CPNE4: variants seen among roughly 807,000 people sequenced by gnomAD.
CPNE4 encodes copine 4.
CPNE4 carries 25 observed loss-of-function variants against 67.9 expected under a neutral mutation model. The ratio of observed to expected loss-of-function variants is 0.37; its 90% CI spans 0.27 to 0.51. The LOEUF is 0.51. Ranked by LOEUF, CPNE4 falls within the 20% of genes least tolerant of loss-of-function variation. The pLI is 0.93. For synonymous variants in CPNE4, 242 were observed against 244.9 expected (o/e 0.99, Z 0.11); for missense variants, 464 against 690.8 (o/e 0.67, Z 3.68).
chr3:131,550,477 G>T (rs16837033), intron 13 of CPNE4, among the ~76,000 whole-genome samples: 25,822 of 151,944 alleles, frequency 0.17, 2,458 homozygotes, highest in African/African-American at 0.26. Flanking sequence ...TTTAAACTTG[G>T]GTCTGCCTGG....
intron 1 of CPNE4, among the ~76,000 whole-genome samples, chr3:131,968,740 CTTT>C (rs1182162727): frequency 6.6e-6 from 1 of 152,118 alleles, no homozygotes; most frequent in Non-Finnish European, 1.5e-5. Flanking sequence ...AATAGGAACA[CTTT>C]TTTACACTGT....
At chr3:131,564,130 TTTCCA>T in intron 11 of CPNE4, 81 bp downstream of exon 11, 1 of 1,535,104 alleles carries the variant, frequency 6.5e-7, no homozygotes, top group Non-Finnish European at 9.0e-7. Flanking sequence ...CTAGACTTAA[TTTCCA>T]CTTTCTGCCC....
chr3:131,606,027 G>T (rs975505415), intron 7 of CPNE4, among the ~76,000 whole-genome samples: 1 of 152,156 alleles, frequency 6.6e-6, no homozygotes, highest in Admixed American at 6.5e-5. Flanking sequence ...AATGAGCCAT[G>T]CTACTCATGG....
rs996201742 is a variant in CPNE4 at position 131,989,747 on chromosome 3, A to T, written c.-2+44820T>A. Among the ~76,000 whole-genome samples, 18 of 136,656 alleles carry T rather than the reference A, an allele frequency of 1.3e-4. 7 individuals are homozygous for T. The Admixed American group carries it at 1.3e-3, about 10-fold the overall frequency. The allele number at this position is 136,656 out of a possible 152,430, so 89.7% of individuals were successfully genotyped here. The stretch of plus-strand genomic sequence containing the variant: ...TAAATCCAAATTTTACGGGTGGAGA[A>T]AGCATGTCCAGTCCAAGATAACACC... On this transcript the variant is annotated intron_variant, in intron 1 of 15. Coordinates refer to ENST00000429747, the MANE Select transcript of CPNE4 (RefSeq NM_130808.3).
chr3:131,793,523 T>G (rs1298265912), intron 2 of CPNE4, among the ~76,000 whole-genome samples: 1 of 152,208 alleles, frequency 6.6e-6, no homozygotes, highest in African/African-American at 2.4e-5. Flanking sequence ...GGCACCACCC[T>G]AGACTAGTTG....
At chr3:131,836,158 CT>C (rs1052435614) in intron 2 of CPNE4, among the ~76,000 whole-genome samples, 4 of 152,076 alleles carry the variant, frequency 2.6e-5, no homozygotes, top group Non-Finnish European at 5.9e-5. Flanking sequence ...TTTTTAAAGG[CT>C]TTAAAAAATG....
intron 7 of CPNE4, among the ~76,000 whole-genome samples, chr3:131,600,110 G>T (rs1328067044): frequency 6.6e-6 from 1 of 152,104 alleles, no homozygotes; most frequent in East Asian, 1.9e-4. Context: ...ATGTCCAGCA[G>T]CCATAGATGG....
At chr3:131,710,065 G>A (rs2081520933) in intron 3 of CPNE4, among the ~76,000 whole-genome samples, 1 of 152,190 alleles carries the variant, frequency 6.6e-6, no homozygotes, top group African/African-American at 2.4e-5. Flanking sequence ...AATCTGCAGT[G>A]CCTACAAGAG....
chr3:131,661,728 A>G (rs1242462705), intron 7 of CPNE4, among the ~76,000 whole-genome samples: 1 of 152,022 alleles, frequency 6.6e-6, no homozygotes, highest in Non-Finnish European at 1.5e-5. Flanking sequence ...TCTCCAGAAA[A>G]CTCAAGAGGA....
chr3:131,786,125 G>C (rs2083556414), intron 2 of CPNE4, among the ~76,000 whole-genome samples: 1 of 152,066 alleles, frequency 6.6e-6, no homozygotes. Flanking sequence ...CTAATAATTA[G>C]ATCTTATAGC....
intron 2 of CPNE4, among the ~76,000 whole-genome samples, chr3:131,886,260 C>A (rs1307436608): frequency 3.9e-5 from 6 of 152,192 alleles, no homozygotes; most frequent in Non-Finnish European, 7.3e-5. Context: ...TATAGACAGT[C>A]TGTGGTGCAA....
intron 1 of CPNE4, among the ~76,000 whole-genome samples, chr3:131,993,953 C>T (rs1023244600): frequency 2.2e-5 from 3 of 136,118 alleles, no homozygotes; most frequent in African/African-American, 7.4e-5. Context: ...GCCATTAGAA[C>T]TAAGTGAGCT....
intron 9 of CPNE4, among the ~76,000 whole-genome samples, chr3:131,580,888 G>C (rs1300347420): frequency 6.6e-6 from 1 of 152,044 alleles, no homozygotes; most frequent in Non-Finnish European, 1.5e-5. Flanking sequence ...TAAAACACTG[G>C]ACAGGCTGGG....
intron 1 of CPNE4, among the ~76,000 whole-genome samples, chr3:132,027,084 A>G (rs2074129908): frequency 6.6e-6 from 1 of 152,218 alleles, no homozygotes; most frequent in African/African-American, 2.4e-5. Context: ...AGCTTATTTC[A>G]TTCAGTCAAC....
At chr3:131,856,291 A>G (rs943424034) in intron 2 of CPNE4, among the ~76,000 whole-genome samples, 1 of 151,918 alleles carries the variant, frequency 6.6e-6, no homozygotes, top group Non-Finnish European at 1.5e-5. Context: ...GTTTCTACAT[A>G]GTCATCTCTT....
At chr3:131,972,915 G>C (rs572939958) in intron 1 of CPNE4, among the ~76,000 whole-genome samples, 49 of 152,124 alleles carry the variant, frequency 3.2e-4, no homozygotes, top group African/African-American at 1.2e-3. Context: ...TAATACAATC[G>C]GTTTTACTCC....
chr3:131,543,753 A>G (rs1012801088), intron 14 of CPNE4, among the ~76,000 whole-genome samples: 7 of 152,224 alleles, frequency 4.6e-5, no homozygotes, highest in African/African-American at 1.7e-4. Context: ...ACTGGATGGC[A>G]CTAGTCTAAA....
intron 2 of CPNE4, among the ~76,000 whole-genome samples, chr3:131,782,596 T>C (rs1420667367): frequency 2.0e-5 from 3 of 152,044 alleles, no homozygotes; most frequent in Non-Finnish European, 4.4e-5. Flanking sequence ...AATTAGGCAC[T>C]AGATTTAAAA....
intron 1 of CPNE4, among the ~76,000 whole-genome samples, chr3:131,974,805 C>T (rs1235341488): frequency 2.6e-5 from 4 of 152,038 alleles, no homozygotes; most frequent in African/African-American, 7.2e-5. Context: ...CTCAGGAGTT[C>T]GAGACCAGCC....
Sources: gnomAD v4.1 joint callset for allele counts (sites outside exome capture counted in the v4.1 genomes callset) on GRCh38, gnomAD v4.1.1 for gene constraint, MANE v1.5 for transcripts, NCBI Gene and HGNC (gene_info 2026-07-23, HGNC 2026-07-21) for gene names.